The following LRP12 variants were observed in gnomAD, a reference collection of about 807,000 sequenced individuals.
LRP12 encodes the protein LDL receptor related protein 12.
LRP12 carries 14 observed loss-of-function variants against 66.0 expected under a neutral mutation model. The observed-to-expected ratio is 0.21, with a 90% CI of 0.14 to 0.33. The LOEUF (loss-of-function observed/expected upper bound fraction) is 0.33, where lower values mean the gene tolerates loss of function less well. Among genes scored for constraint, LRP12 ranks in the 10% least tolerant of loss-of-function variants. The probability of loss-of-function intolerance (pLI) is 1.00; values close to 1 mark genes in which losing one functional copy is unlikely to be tolerated. For synonymous variants in LRP12, 357 were observed against 359.1 expected (o/e 0.99, Z 0.07); for missense variants, 889 against 1,053.4 (o/e 0.84, Z 2.16).
chr8:104,589,007 G>T lies in LRP12; in HGVS notation c.-110C>A. ...CCGCCGCCGCCGCCGCCGAGCCACC[G>T]GCTGCTCCCTGCGCTCTCCGCGGCT... On this transcript the variant is annotated 5_prime_UTR_variant, in exon 1 of 7. Transcript: ENST00000276654. 1 of 552,414 alleles carries T rather than the reference G, an allele frequency of 1.8e-6. No homozygotes were observed. Among genetic ancestry groups the T allele is most frequent in the Non-Finnish European group, 3.0e-6 (1 of 337,648 alleles). The allele number at this position is 552,414 out of a possible 1,614,324, so 34.2% of individuals were successfully genotyped here.
chr8:104,498,187 G>T, intron 4 of LRP12, 111 bp from the exon 5 acceptor site: 1 of 1,084,388 alleles, frequency 9.2e-7, no homozygotes, highest in Non-Finnish European at 1.3e-6. Context: ...TAAAGCCCAA[G>T]TGCTAGAAGT....
intron 2 of LRP12, among the ~76,000 whole-genome samples, chr8:104,525,369 C>T (rs1380581902): frequency 6.6e-6 from 1 of 151,936 alleles, no homozygotes; most frequent in African/African-American, 2.4e-5. Flanking sequence ...CCTGTAGCAT[C>T]AGAACGAGCA....
chr8:104,516,250 C>T (rs1185604119), intron 2 of LRP12, among the ~76,000 whole-genome samples: 1 of 151,816 alleles, frequency 6.6e-6, no homozygotes, highest in Admixed American at 6.6e-5. Context: ...AACTTTCAAA[C>T]GTAGATAGCA....
intron 1 of LRP12, among the ~76,000 whole-genome samples, chr8:104,579,342 G>T (rs1009639754): frequency 1.3e-5 from 2 of 151,446 alleles, no homozygotes; most frequent in Non-Finnish European, 2.9e-5. Flanking sequence ...GCCATAAAAA[G>T]AATAAAATAC....
intron 1 of LRP12, among the ~76,000 whole-genome samples, chr8:104,559,867 A>C (rs1374079717): frequency 6.6e-6 from 1 of 152,170 alleles, no homozygotes; most frequent in South Asian, 2.1e-4. Context: ...AAAAAAAAGA[A>C]AAAATATTTA....
chr8:104,550,639 T>C (rs1221694007), intron 1 of LRP12, among the ~76,000 whole-genome samples: 1 of 152,126 alleles, frequency 6.6e-6, no homozygotes, highest in African/African-American at 2.4e-5. Flanking sequence ...CTTCCTTCCT[T>C]CCCTTCATGC....
chr8:104,565,602 G>A (rs955662732), intron 1 of LRP12, among the ~76,000 whole-genome samples: 1 of 152,124 alleles, frequency 6.6e-6, no homozygotes, highest in Admixed American at 6.5e-5. Context: ...GCTCACGCCT[G>A]TAATCCCAGC....
intron 1 of LRP12, among the ~76,000 whole-genome samples, chr8:104,546,997 TATA>T (rs1811574123): frequency 6.9e-6 from 1 of 145,146 alleles, no homozygotes; most frequent in Non-Finnish European, 1.5e-5. Flanking sequence ...GTATATAATA[TATA>T]ATTATATATT....
intron 2 of LRP12, among the ~76,000 whole-genome samples, chr8:104,528,133 C>T (rs1157026736): frequency 1.4e-4 from 22 of 152,134 alleles, no homozygotes; most frequent in Admixed American, 1.4e-3. Flanking sequence ...TACCTGATAA[C>T]ACTAGGTGCA....
intron 2 of LRP12, among the ~76,000 whole-genome samples, chr8:104,510,714 A>G (rs1028411286): frequency 1.3e-5 from 2 of 152,210 alleles, no homozygotes; most frequent in South Asian, 4.1e-4. Flanking sequence ...CCAGGGGTAC[A>G]TAAACAGTTA....
In LRP12 at chr8:104,509,030, T is replaced by C. The variant is rs756510580; in HGVS notation, c.181A>G (p.Ile61Val). 2 of 1,613,824 alleles carry C rather than the reference T, an allele frequency of 1.2e-6. No individual in the cohort carries two copies. Among genetic ancestry groups the C allele is most frequent in the South Asian group, 2.2e-5 (2 of 91,072 alleles). ...TCAGAAGGCCAGCCTGGGCTTGTGA[T>C]TATGCCACTTGGTGCTCGTATTTGC... The part of the protein sequence containing the change: ...PEQIRAPSGI[I>V]TSPGWPSEYP... Residue 61 changes from isoleucine (I) to valine (V), a missense_variant, in exon 3 of 7, where the codon ATC becomes GTC. By Grantham distance (29) the Ile-to-Val change is conservative. This residue lies in a region of LRP12 where 1 missense variants were observed against 16.5 expected (regional missense o/e 0.06). Coordinates refer to ENST00000276654, the MANE Select transcript of LRP12 (RefSeq NM_013437.5).
chr8:104,529,624 CA>C (rs1401014843), intron 2 of LRP12, among the ~76,000 whole-genome samples: 1 of 152,152 alleles, frequency 6.6e-6, no homozygotes, highest in Non-Finnish European at 1.5e-5. Context: ...TCCAAATTTT[CA>C]TAAGTTCTCA....
chr8:104,525,537 A>G lies in LRP12; in HGVS notation c.136+6370T>C, dbSNP rs80052084. Among the ~76,000 whole-genome samples the G allele has an allele frequency of 6.0e-3, 914 of 152,318 alleles. 9 individuals carry two copies. Among genetic ancestry groups the G allele is most frequent in the Admixed American group, 0.012 (190 of 15,292 alleles). On this transcript the variant is annotated intron_variant, in intron 2 of 6. Coordinates refer to ENST00000276654, the MANE Select transcript of LRP12 (RefSeq NM_013437.5). ...TTCCCCCAAAAATTCATGAGTAAAC[A>G]AAATGAAGCCCTTAATACTATGCCT...
intron 1 of LRP12, among the ~76,000 whole-genome samples, chr8:104,545,741 C>T (rs1477363048): frequency 6.6e-6 from 1 of 152,112 alleles, no homozygotes; most frequent in Non-Finnish European, 1.5e-5. Flanking sequence ...TTTATATGCA[C>T]TGGAAAACCA....
At chr8:104,527,624 T>C (rs914191936) in intron 2 of LRP12, among the ~76,000 whole-genome samples, 23 of 151,860 alleles carry the variant, frequency 1.5e-4, no homozygotes, top group Admixed American at 9.9e-4. Context: ...TAGATGGGAA[T>C]TGAACAATGA....
chr8:104,490,779 G>A lies in LRP12; in HGVS notation c.2474C>T (p.Pro825Leu), dbSNP rs749999940. Residue 825 changes from proline (P) to leucine (L), a missense_variant, in exon 7 of 7, where the codon CCC becomes CTC. Transcript: ENST00000276654. ...GTGGACAATACCACAGCGCTCACAG[G>A]GGCCATCTCGATTACTTGGCCTTAC... is the stretch of plus-strand genomic sequence containing the variant. ...PGVRPSNRDG[P>L]CERCGIVHTA... 5.6e-6 allele frequency: 9 copies of A among 1,613,886 alleles called. No homozygotes were observed. Among genetic ancestry groups the A allele is most frequent in the African/African-American group, 1.3e-5 (1 of 74,868 alleles).
Position 104,491,154 on chromosome 8 carries a change from G to A in LRP12, c.2099C>T (p.Thr700Ile), listed in dbSNP as rs1307072295. ...GACASSSTQS[T>I]RGGHADNGRD... The stretch of plus-strand genomic sequence containing the variant: ...TCCATTATCTGCATGACCACCTCGG[G>A]TACTCTGAGTTGAGGAACTTGCACA... The change falls in exon 7 of 7, where the codon ACC becomes ATC. Residue 700 changes from threonine (T) to isoleucine (I), a missense_variant. Thr to Ile is a moderately conservative substitution (Grantham distance 89, BLOSUM62 -1). This residue lies in a region of LRP12 where 800 missense variants were observed against 964.5 expected (regional missense o/e 0.83). Transcript: ENST00000276654. 1.2e-6 allele frequency: 2 copies of A among 1,613,950 alleles called. No homozygotes were observed. The highest frequency in any genetic ancestry group is 1.7e-6 in the Non-Finnish European group (2 of 1,180,026).
intron 1 of LRP12, among the ~76,000 whole-genome samples, chr8:104,577,724 T>C (rs1407130543): frequency 6.9e-6 from 1 of 145,384 alleles, no homozygotes; most frequent in African/African-American, 2.6e-5. Flanking sequence ...GGCAGGGGAA[T>C]GGCATGAACC....
At chr8:104,581,944 C>T (rs991639706) in intron 1 of LRP12, among the ~76,000 whole-genome samples, 3 of 152,092 alleles carry the variant, frequency 2.0e-5, no homozygotes, top group Non-Finnish European at 2.9e-5. Flanking sequence ...AATAATTTCA[C>T]GAAACAATTC....
Sources: gnomAD v4.1 joint callset for allele counts (sites outside exome capture counted in the v4.1 genomes callset) on GRCh38, gnomAD v4.1.1 for gene constraint, gnomAD v4.1.1 regional missense constraint, MANE v1.5 for transcripts, NCBI Gene and HGNC (gene_info 2026-07-23, HGNC 2026-07-21) for gene names.